ATP2A1: variants seen among roughly 807,000 people sequenced by gnomAD.
ATP2A1 encodes ATPase sarcoplasmic/endoplasmic reticulum Ca2+ transporting 1.
ATP2A1 carries 83 observed loss-of-function variants against 109.5 expected under a neutral mutation model. That is an observed-to-expected ratio of 0.76 (90% CI 0.63 to 0.91). The LOEUF (loss-of-function observed/expected upper bound fraction) is 0.91, where lower values mean the gene tolerates loss of function less well. Among genes scored for constraint, ATP2A1 ranks in the 40% least tolerant of loss-of-function variants. The pLI is 0.00. For synonymous variants in ATP2A1, 505 were observed against 537.6 expected (o/e 0.94, Z 0.84); for missense variants, 1,101 against 1,341.0 (o/e 0.82, Z 2.80).
intron 22 of ATP2A1, 45 bp from the exon 23 acceptor site, chr16:28,904,135 C>T (rs1254639126): frequency 3.2e-6 from 5 of 1,548,284 alleles, no homozygotes; most frequent in Non-Finnish European, 4.5e-6. Flanking sequence ...AGGGACCTCG[C>T]TGCCCTCCTG....
At chr16:28,885,604 AG>A (rs1186543270) in intron 6 of ATP2A1, among the ~76,000 whole-genome samples, 1 of 151,870 alleles carries the variant, frequency 6.6e-6, no homozygotes, top group Non-Finnish European at 1.5e-5. Context: ...AGCCTCCCAA[AG>A]TGCTGGGATT....
intron 9 of ATP2A1, chr16:28,892,553 A>G (rs1243468899): frequency 6.4e-6 from 1 of 155,568 alleles, no homozygotes. Flanking sequence ...GAGGTTCCCA[A>G]GTTTTTTTTC....
chr16:28,897,032 G>T (rs1297068166), intron 12 of ATP2A1, among the ~76,000 whole-genome samples: 1 of 151,838 alleles, frequency 6.6e-6, no homozygotes, highest in Non-Finnish European at 1.5e-5. Context: ...AGTGAGCCAA[G>T]ACTGCACCAC....
intron 12 of ATP2A1, among the ~76,000 whole-genome samples, chr16:28,895,700 A>G (rs1473189840): frequency 6.6e-6 from 1 of 151,818 alleles, no homozygotes; most frequent in Admixed American, 6.6e-5. Context: ...AAAGAAAGAA[A>G]AAAAAAAGAA....
chr16:28,898,653 C>T lies in ATP2A1; in HGVS notation c.1764+202C>T, dbSNP rs577910335. Among the ~76,000 whole-genome samples the T allele has an allele frequency of 1.8e-4, 27 of 152,184 alleles. No individual in the cohort carries two copies. Among genetic ancestry groups the T allele is most frequent in the African/African-American group, 6.3e-4 (26 of 41,512 alleles). On this transcript the variant is annotated intron_variant, in intron 14 of 22. Transcript: ENST00000395503. The surrounding 1 kb of genome is among the most constrained non-coding windows in gnomAD (Gnocchi z 4.0). The stretch of plus-strand genomic sequence containing the variant: ...GTGCAGTGACTCACACCTGTAATCT[C>T]AGCACTTTGGGAAGCTGAGATGGGA...
intron 10 of ATP2A1, 85 bp downstream of exon 10, chr16:28,894,328 C>A: frequency 7.0e-7 from 1 of 1,426,100 alleles, no homozygotes; most frequent in Non-Finnish European, 9.8e-7. Flanking sequence ...TGTGGTTTTG[C>A]TCTCCTTTCA....
Position 28,881,061 on chromosome 16 carries a change from G to A in ATP2A1, c.324+42G>A, listed in dbSNP as rs759168204. 5.0e-6 allele frequency: 8 copies of A among 1,586,892 alleles called. No individual in the cohort carries two copies. The South Asian group carries it at 8.8e-5, about 18-fold the overall frequency. On this transcript the variant is annotated intron_variant, in intron 4 of 22. Transcript: ENST00000395503. ...CCTTACCCCTTCATGTCCCAACAGT[G>A]AAGAAGAGGCCAACCCTCCCTCCAG...
At chr16:28,896,714 ATT>A (rs1165561318) in intron 12 of ATP2A1, among the ~76,000 whole-genome samples, 10 of 107,172 alleles carry the variant, frequency 9.3e-5, no homozygotes, top group Middle Eastern at 5.7e-3. Context: ...CCTGGCCTTC[ATT>A]TTTTTTTTTT....
intron 6 of ATP2A1, among the ~76,000 whole-genome samples, chr16:28,885,987 G>A (rs965118851): frequency 6.6e-6 from 1 of 151,696 alleles, no homozygotes; most frequent in African/African-American, 2.4e-5. Context: ...GCAACACAGC[G>A]AGACCCCATC....
In ATP2A1 at chr16:28,880,741, G is replaced by A. The variant is rs1963445792; in HGVS notation, c.220-174G>A. On this transcript the variant is annotated intron_variant, in intron 3 of 22. Transcript: ENST00000395503. This position sits in a 1 kb window ranked among gnomAD's most constrained non-coding sequence, Gnocchi z 4.2. Reference sequence around the variant, plus strand: ...GAGTAAGGCGGTGGCAGGACCTGCAGTGGATGGACAGACCCTCAGACGGAT... The same window carrying A: ...GAGTAAGGCGGTGGCAGGACCTGCAATGGATGGACAGACCCTCAGACGGAT... Among the ~76,000 whole-genome samples, 1 of 152,256 alleles carries A rather than the reference G, an allele frequency of 6.6e-6. No homozygotes were observed. Among genetic ancestry groups the A allele is most frequent in the Non-Finnish European group, 1.5e-5 (1 of 68,044 alleles).
intron 9 of ATP2A1, among the ~76,000 whole-genome samples, chr16:28,891,606 A>AAAAAAG (rs1963776671): frequency 6.7e-6 from 1 of 149,452 alleles, no homozygotes; most frequent in African/African-American, 2.5e-5. Flanking sequence ...AAAAAAAAAA[A>AAAAAAG]AGTAGCCAGA....
Position 28,904,365 on chromosome 16 carries a change from A to G in ATP2A1, c.*223A>G, listed in dbSNP as rs929222127. 4.5e-6 allele frequency: 7 copies of G among 1,538,596 alleles called. No homozygotes were observed. The highest frequency in any genetic ancestry group is 5.2e-6 in the Non-Finnish European group (6 of 1,147,502). ...CCCTCGGCCACCCGCCTCCCTCTCA[A>G]CCTTGTAAATTCCCCTTCCCAACCC... On this transcript the variant is annotated 3_prime_UTR_variant, in exon 23 of 23. Coordinates refer to ENST00000395503, the MANE Select transcript of ATP2A1 (RefSeq NM_004320.6).
At position 28,902,625 on chromosome 16, in the gene ATP2A1, T is replaced by C; in HGVS notation, c.2570T>C (p.Leu857Pro). Residue 857 changes from leucine to proline, a missense_variant, in exon 18 of 23, where the codon CTG becomes CCG. By Grantham distance (98) the Leu-to-Pro change is moderately conservative. Coordinates refer to ENST00000395503, the MANE Select transcript of ATP2A1 (RefSeq NM_004320.6). This position sits in a 1 kb window ranked among gnomAD's most constrained non-coding sequence, Gnocchi z 4.8. ...GTGGGAGCAGCTGCCTGGTGGTTCC[T>C]GTACGCTGAGGATGGGCCTCATGTC... is the stretch of plus-strand genomic sequence containing the variant. ...ATVGAAAWWF[L>P]YAEDGPHVNY... The C allele has an allele frequency of 6.2e-7, 1 of 1,614,058 alleles. No homozygotes were observed. The highest frequency in any genetic ancestry group is 8.5e-7 in the Non-Finnish European group (1 of 1,179,974).
Position 28,887,442 on chromosome 16 carries a change from C to T in ATP2A1, c.648C>T (p.Ala216=), listed in dbSNP as rs773563767. Residue 216 remains alanine, a synonymous_variant, in exon 8 of 23, where the codon GCC becomes GCT. Coordinates refer to ENST00000395503, the MANE Select transcript of ATP2A1 (RefSeq NM_004320.6). ...NMLFSGTNIA[A]GKALGIVATT... Reference sequence around the variant, plus strand: ...CTTCCCAGGGCACCAACATTGCAGCCGGCAAGGCCTTGGGCATCGTGGCCA... The same window carrying T: ...CTTCCCAGGGCACCAACATTGCAGCTGGCAAGGCCTTGGGCATCGTGGCCA... 9 of 1,613,932 alleles carry T rather than the reference C, an allele frequency of 5.6e-6. No homozygotes were observed. Among genetic ancestry groups the T allele is most frequent in the African/African-American group, 2.7e-5 (2 of 74,890 alleles).
In ATP2A1 at chr16:28,902,887, T is replaced by TGG; in HGVS notation, c.2720_2721insGG (p.Ile907MetfsTer8). The TGG allele has an allele frequency of 6.2e-7, 1 of 1,613,754 alleles. No homozygotes were observed. Among genetic ancestry groups the TGG allele is most frequent in the South Asian group, 1.1e-5 (1 of 91,064 alleles). On this transcript the variant is annotated frameshift_variant, in exon 19 of 23. Transcript: ENST00000395503. LOFTEE classifies it high-confidence loss of function. This position sits in a 1 kb window ranked among gnomAD's most constrained non-coding sequence, Gnocchi z 4.8. ...ATGGCCCTGTCCGTGCTGGTGACCA[T>TGG]CGAGATGTGCAATGCACTGAACAGG... is the stretch of plus-strand genomic sequence containing the variant.
At position 28,902,889 on chromosome 16, in the gene ATP2A1, G is replaced by A. The variant is rs776733152; in HGVS notation, c.2722G>A (p.Glu908Lys). Reference protein sequence around the residue: ...TMALSVLVTIEMCNALNSLSE... With the variant: ...TMALSVLVTIKMCNALNSLSE... ...GGCCCTGTCCGTGCTGGTGACCATC[G>A]AGATGTGCAATGCACTGAACAGGTG... Residue 908 changes from glutamate to lysine, a missense_variant, in exon 19 of 23, where the codon GAG becomes AAG. Physicochemically the swap from Glu to Lys is moderately conservative, Grantham distance 56 (BLOSUM62 1). Transcript: ENST00000395503. This position sits in a 1 kb window ranked among gnomAD's most constrained non-coding sequence, Gnocchi z 4.8. The A allele has an allele frequency of 7.4e-6, 12 of 1,613,770 alleles. No homozygotes were observed. Among genetic ancestry groups the A allele is most frequent in the African/African-American group, 4.0e-5 (3 of 74,850 alleles).
chr16:28,890,983 G>A (rs1227937660), intron 9 of ATP2A1, among the ~76,000 whole-genome samples: 1 of 151,602 alleles, frequency 6.6e-6, no homozygotes, highest in Non-Finnish European at 1.5e-5. Flanking sequence ...CACTGCGCCC[G>A]GCCAGGATTC....
chr16:28,903,168 G>A lies in ATP2A1; in HGVS notation c.2862+21G>A. On this transcript the variant is annotated intron_variant, in intron 20 of 22. Transcript: ENST00000395503. This position sits in a 1 kb window ranked among gnomAD's most constrained non-coding sequence, Gnocchi z 5.6. The stretch of plus-strand genomic sequence containing the variant: ...TGCCGGTGAGGTTTCTTCCGCCCAG[G>A]GCCGCCCACCCCAGCACTGGGGAGC... The A allele has an allele frequency of 6.2e-7, 1 of 1,611,508 alleles. No homozygotes were observed. Among genetic ancestry groups the A allele is most frequent in the Non-Finnish European group, 8.5e-7 (1 of 1,178,344 alleles).
chr16:28,894,080 GC>G, intron 9 of ATP2A1, 74 bp from the exon 10 acceptor site: 1 of 1,303,332 alleles, frequency 7.7e-7, no homozygotes, highest in Non-Finnish European at 1.1e-6. Context: ...GGCAGTGCAG[GC>G]CTCCCTTGAT....
Sources: gnomAD v4.1 joint callset for allele counts (sites outside exome capture counted in the v4.1 genomes callset) on GRCh38, gnomAD v4.1.1 for gene constraint, Gnocchi (gnomAD v3.1) non-coding constraint, MANE v1.5 for transcripts, NCBI Gene and HGNC (gene_info 2026-07-23, HGNC 2026-07-21) for gene names.